The following RUNDC3B variants were observed in gnomAD, a reference collection of about 807,000 sequenced individuals.
RUNDC3B encodes RUN domain-containing protein 3B.
A neutral mutation model predicts 58.4 loss-of-function variants in RUNDC3B; 33 were observed. The ratio of observed to expected loss-of-function variants is 0.56; its 90% CI spans 0.43 to 0.75. RUNDC3B has a LOEUF of 0.75. RUNDC3B is among the 30% of genes least tolerant of loss of function. RUNDC3B has a pLI of 0.00. For synonymous variants in RUNDC3B, 193 were observed against 195.2 expected, an observed-to-expected ratio of 0.99 and a Z score of 0.10; for missense variants, 501 against 535.7, an observed-to-expected ratio of 0.94 and a Z score of 0.64.
At chr7:87,686,678 G>A (rs1827491779) in intron 2 of RUNDC3B, among the ~76,000 whole-genome samples, 1 of 151,638 alleles carries the variant, frequency 6.6e-6, no homozygotes, top group Non-Finnish European at 1.5e-5. Flanking sequence ...AGTGGCTCAT[G>A]CCTGTAATCC....
At chr7:87,789,284 A>G (rs1835400026) in intron 8 of RUNDC3B, among the ~76,000 whole-genome samples, 1 of 152,224 alleles carries the variant, frequency 6.6e-6, no homozygotes, top group South Asian at 2.1e-4. Context: ...AACCTGTCCT[A>G]TATGGTTTCC....
At chr7:87,770,202 G>T (rs1465782229) in intron 6 of RUNDC3B, among the ~76,000 whole-genome samples, 1 of 152,074 alleles carries the variant, frequency 6.6e-6, no homozygotes, top group Non-Finnish European at 1.5e-5. Context: ...AGATTGAGCA[G>T]GCAGCAATCC....
chr7:87,645,055 GT>G (rs1372970090), intron 1 of RUNDC3B, among the ~76,000 whole-genome samples: 2 of 149,534 alleles, frequency 1.3e-5, no homozygotes, highest in Non-Finnish European at 3.0e-5. Context: ...AAGTTTTAAG[GT>G]TTTAGTCACA....
At chr7:87,781,396 A>G (rs2130888726) in intron 8 of RUNDC3B, among the ~76,000 whole-genome samples, 1 of 151,966 alleles carries the variant, frequency 6.6e-6, no homozygotes, top group Non-Finnish European at 1.5e-5. Flanking sequence ...GTGGCCGTCA[A>G]GGTTTTCTAG....
chr7:87,732,195 A>T (rs1584034628), intron 4 of RUNDC3B, among the ~76,000 whole-genome samples: 1 of 152,256 alleles, frequency 6.6e-6, no homozygotes, highest in Non-Finnish European at 1.5e-5. Context: ...AAGAAAATTT[A>T]AAAAAACAAA....
chr7:87,738,365 TTTTG>T (rs1832113486), intron 4 of RUNDC3B, among the ~76,000 whole-genome samples: 1 of 152,016 alleles, frequency 6.6e-6, no homozygotes, highest in African/African-American at 2.4e-5. Flanking sequence ...ATTTTACTAA[TTTTG>T]TTAGGCCAGA....
At chr7:87,780,209 T>A (rs111302167) in intron 8 of RUNDC3B, among the ~76,000 whole-genome samples, 4,576 of 152,338 alleles carry the variant, frequency 0.03, 66 homozygotes, top group Middle Eastern at 0.048. Flanking sequence ...ATCTCCAAAC[T>A]GCTTTCCACA....
At chr7:87,759,028 C>T (rs1563190352) in intron 6 of RUNDC3B, among the ~76,000 whole-genome samples, 1 of 152,150 alleles carries the variant, frequency 6.6e-6, no homozygotes, top group Admixed American at 6.5e-5. Context: ...GAGATGTCTG[C>T]ACTCTCATCT....
chr7:87,826,315 T>G (rs1190213748), intron 10 of RUNDC3B, among the ~76,000 whole-genome samples: 5 of 151,986 alleles, frequency 3.3e-5, no homozygotes, highest in Admixed American at 2.0e-4. Context: ...CTGCATAAGC[T>G]CTCTTCTCTT....
At chr7:87,682,128 C>T (rs1253403857) in intron 2 of RUNDC3B, among the ~76,000 whole-genome samples, 1 of 152,212 alleles carries the variant, frequency 6.6e-6, no homozygotes, top group Non-Finnish European at 1.5e-5. Flanking sequence ...AGAAGGAACT[C>T]CTCATCTGTT....
intron 4 of RUNDC3B, among the ~76,000 whole-genome samples, chr7:87,732,491 A>C (rs1831642710): frequency 6.6e-6 from 1 of 152,208 alleles, no homozygotes. Flanking sequence ...CTTGGAGTGC[A>C]CTGAGCCAAG....
At chr7:87,659,274 C>T (rs1824452479) in intron 2 of RUNDC3B, 1 of 405,636 alleles carries the variant, frequency 2.5e-6, no homozygotes, top group African/African-American at 2.1e-5. Context: ...TCTGTTTGTT[C>T]CCCCTGTTCT....
At position 87,757,681 on chromosome 7, in the gene RUNDC3B, C is replaced by G. The variant is rs1833446533; in HGVS notation, c.630-12900C>G. Among the ~76,000 whole-genome samples the G allele has an allele frequency of 2.6e-5, 4 of 151,986 alleles. No homozygotes were observed. The South Asian group carries it at 8.3e-4, about 31-fold the overall frequency. On this transcript the variant is annotated intron_variant, in intron 6 of 10. Coordinates refer to ENST00000394654, the MANE Select transcript of RUNDC3B (RefSeq NM_001134405.2). ...AAAAATTATACAAAATTATGTGGAACCACAAAAGACCCAGAATAGCCAAAG... is the reference window on the plus strand; with the variant it reads ...AAAAATTATACAAAATTATGTGGAAGCACAAAAGACCCAGAATAGCCAAAG...
rs752050476 is a variant in RUNDC3B, at chr7:87,807,530, T to C, written c.1103+11T>C. ...TAAACAGTGGTATGAGTAAGTGTAA[T>C]ACTTTTTTTTCCAACTAATTAATAG... On this transcript the variant is annotated intron_variant, in intron 9 of 10. Transcript: ENST00000394654. 1.2e-6 allele frequency: 2 copies of C among 1,606,908 alleles called. No individual in the cohort carries two copies. The highest frequency in any genetic ancestry group is 1.7e-6 in the Non-Finnish European group (2 of 1,173,816).
chr7:87,757,761 A>C (rs1012573865), intron 6 of RUNDC3B, among the ~76,000 whole-genome samples: 1 of 152,202 alleles, frequency 6.6e-6, no homozygotes, highest in Admixed American at 6.6e-5. Context: ...TGCAAATACT[A>C]TAGAGCTATA....
chr7:87,673,508 A>G (rs1431122408), intron 2 of RUNDC3B, among the ~76,000 whole-genome samples: 3 of 152,218 alleles, frequency 2.0e-5, no homozygotes, highest in Non-Finnish European at 4.4e-5. Flanking sequence ...CGAATCTGCT[A>G]TTAATACTTG....
At chr7:87,828,960 CTCAG>C (rs960804013) in intron 10 of RUNDC3B, among the ~76,000 whole-genome samples, 4 of 152,150 alleles carry the variant, frequency 2.6e-5, no homozygotes, top group East Asian at 1.9e-4. Context: ...ATTCCCTATT[CTCAG>C]TCACTTTGCC....
intron 10 of RUNDC3B, among the ~76,000 whole-genome samples, chr7:87,827,724 A>T (rs1164510899): frequency 6.6e-6 from 1 of 152,218 alleles, no homozygotes; most frequent in African/African-American, 2.4e-5. Context: ...AATCAAATAG[A>T]CAAAAAAGAA....
rs1475078139 is a variant in RUNDC3B at position 87,742,621 on chromosome 7, T to TA, written c.629+1043dup. ...ATAGATAGATAGATAGATAGATAGA[T>TA]ATCATGGTTTTTTTAATTGAGAAAA... On this transcript the variant is annotated intron_variant, in intron 6 of 10. Coordinates refer to ENST00000394654, the MANE Select transcript of RUNDC3B (RefSeq NM_001134405.2). 3.3e-5 allele frequency among the ~76,000 whole-genome samples: 5 copies of TA among 150,950 alleles called. No homozygotes were observed. In the South Asian group the frequency reaches 8.4e-4, roughly 25 times the overall value.
Sources: gnomAD v4.1 joint callset for allele counts (sites outside exome capture counted in the v4.1 genomes callset) on GRCh38, gnomAD v4.1.1 for gene constraint, MANE v1.5 for transcripts, NCBI Gene and HGNC (gene_info 2026-07-23, HGNC 2026-07-21) for gene names.